The following RPS6KC1 variants were observed in gnomAD, a reference collection of about 807,000 sequenced individuals.
RPS6KC1 encodes ribosomal protein S6 kinase C1, also known as inactive ribosomal protein S6 kinase delta-1.
A neutral mutation model predicts 103.8 loss-of-function variants in RPS6KC1; 54 were observed. The observed-to-expected ratio is 0.52, with a 90% CI of 0.42 to 0.65. RPS6KC1 has a LOEUF of 0.65. Ranked by LOEUF, RPS6KC1 falls within the 30% of genes least tolerant of loss-of-function variation. RPS6KC1 has a pLI of 0.00. For synonymous variants in RPS6KC1, 439 were observed against 438.7 expected (o/e 1.00, Z -0.01); for missense variants, 1,151 against 1,253.8 (o/e 0.92, Z 1.24).
the RPS6KC1 span, among the ~76,000 whole-genome samples, chr1:213,334,059 C>T: frequency 6.6e-6 from 1 of 152,104 alleles, no homozygotes; most frequent in Admixed American, 6.5e-5. Flanking sequence ...TACCTGGGCT[C>T]CAAGGGGGCA....
At chr1:213,449,404 C>T in the RPS6KC1 span, among the ~76,000 whole-genome samples, 1 of 152,162 alleles carries the variant, frequency 6.6e-6, no homozygotes, top group African/African-American at 2.4e-5. Context: ...TGTTGGCAGG[C>T]TTGGGTTCCC....
the RPS6KC1 span, among the ~76,000 whole-genome samples, chr1:213,497,292 C>T: frequency 1.3e-5 from 2 of 152,000 alleles, no homozygotes; most frequent in South Asian, 4.1e-4. Flanking sequence ...CAACTGAAAA[C>T]CTCAACAAAC....
At chr1:213,815,715 C>A in the RPS6KC1 span, among the ~76,000 whole-genome samples, 123 of 152,290 alleles carry the variant, frequency 8.1e-4, no homozygotes, top group African/African-American at 2.8e-3. Context: ...CTAACTTTCT[C>A]GCTATTAGCA....
At chr1:213,368,312 G>A in the RPS6KC1 span, among the ~76,000 whole-genome samples, 1 of 152,216 alleles carries the variant, frequency 6.6e-6, no homozygotes, top group African/African-American at 2.4e-5. Flanking sequence ...TTCCGCAGAA[G>A]GGTGGAAGGA....
intron 12 of RPS6KC1, among the ~76,000 whole-genome samples, chr1:213,244,809 C>G (rs1208779861): frequency 6.6e-6 from 1 of 152,120 alleles, no homozygotes; most frequent in Non-Finnish European, 1.5e-5. Context: ...TTTTGCTGTC[C>G]TCTTCCAGGT....
the RPS6KC1 span, among the ~76,000 whole-genome samples, chr1:213,684,767 A>C: frequency 5.1e-4 from 77 of 152,350 alleles, 2 homozygotes; most frequent in South Asian, 0.016. Context: ...AGTTGTCTGG[A>C]AAGAGACTCT....
chr1:213,691,562 A>G, the RPS6KC1 span, among the ~76,000 whole-genome samples: 1 of 152,174 alleles, frequency 6.6e-6, no homozygotes, highest in Non-Finnish European at 1.5e-5. Context: ...ACTTCCTTTT[A>G]GTTGAAATCA....
chr1:213,266,443 T>A (rs1022429666), intron 14 of RPS6KC1, among the ~76,000 whole-genome samples: 3 of 152,212 alleles, frequency 2.0e-5, no homozygotes, highest in African/African-American at 7.2e-5. Flanking sequence ...AAAAAATATG[T>A]ACTGTGAGTA....
chr1:213,374,909 G>A, the RPS6KC1 span, among the ~76,000 whole-genome samples: 1 of 152,120 alleles, frequency 6.6e-6, no homozygotes, highest in Non-Finnish European at 1.5e-5. Context: ...AAATTTAAAA[G>A]GCGAACAGTT....
the RPS6KC1 span, among the ~76,000 whole-genome samples, chr1:213,814,109 A>C: frequency 6.6e-6 from 1 of 152,244 alleles, no homozygotes; most frequent in African/African-American, 2.4e-5. Context: ...TGTCAAGGAA[A>C]ACCAGACAGC....
At chr1:213,559,006 T>C in the RPS6KC1 span, among the ~76,000 whole-genome samples, 1 of 152,354 alleles carries the variant, frequency 6.6e-6, no homozygotes, top group South Asian at 2.1e-4. Context: ...ATGTAATTAG[T>C]CTAGTTTTTT....
the RPS6KC1 span, among the ~76,000 whole-genome samples, chr1:213,352,798 G>T: frequency 6.6e-6 from 1 of 152,164 alleles, no homozygotes; most frequent in Admixed American, 6.5e-5. Context: ...TCTCAGCATT[G>T]GGAGGCTGAG....
intron 8 of RPS6KC1, among the ~76,000 whole-genome samples, chr1:213,190,579 A>G (rs2092710701): frequency 1.3e-5 from 2 of 152,102 alleles, no homozygotes; most frequent in Admixed American, 6.6e-5. Flanking sequence ...TAGGTTGCCA[A>G]TATTTTCTTT....
chr1:213,792,826 C>T, the RPS6KC1 span, among the ~76,000 whole-genome samples: 1 of 151,726 alleles, frequency 6.6e-6, no homozygotes, highest in Non-Finnish European at 1.5e-5. Flanking sequence ...GAACCCCCAC[C>T]CCACCAACAA....
the RPS6KC1 span, among the ~76,000 whole-genome samples, chr1:213,610,477 C>A: frequency 6.6e-6 from 1 of 152,104 alleles, no homozygotes; most frequent in Non-Finnish European, 1.5e-5. Flanking sequence ...GGAGATTTGG[C>A]GGAAACCTCG....
chr1:213,566,717 A>G, the RPS6KC1 span, among the ~76,000 whole-genome samples: 1 of 150,904 alleles, frequency 6.6e-6, no homozygotes, highest in South Asian at 2.1e-4. Context: ...TGCTATAACT[A>G]TGCTATAACT....
chr1:213,489,749 G>A, the RPS6KC1 span, among the ~76,000 whole-genome samples: 7 of 152,180 alleles, frequency 4.6e-5, no homozygotes, highest in Non-Finnish European at 7.3e-5. Context: ...GCATAGAAAG[G>A]CATGTCGGGC....
chr1:213,605,366 A>G, the RPS6KC1 span, among the ~76,000 whole-genome samples: 12 of 152,246 alleles, frequency 7.9e-5, no homozygotes, highest in African/African-American at 2.9e-4. Context: ...TTTTGGAATC[A>G]GGACACTGCA....
chr1:213,204,620 CTTTTTTT>C (rs35617516), intron 8 of RPS6KC1, among the ~76,000 whole-genome samples: 1 of 127,654 alleles, frequency 7.8e-6, no homozygotes, highest in Non-Finnish European at 1.7e-5. Flanking sequence ...TTAATTGTCA[CTTTTTTT>C]TTTTTTTTTT....
Sources: gnomAD v4.1 joint callset for allele counts (sites outside exome capture counted in the v4.1 genomes callset) on GRCh38, gnomAD v4.1.1 for gene constraint, MANE v1.5 for transcripts, NCBI Gene and HGNC (gene_info 2026-07-23, HGNC 2026-07-21) for gene names.